GRHL2: variants seen among roughly 807,000 people sequenced by gnomAD.
GRHL2 encodes grainyhead like transcription factor 2.
A neutral mutation model predicts 83.8 loss-of-function variants in GRHL2; 21 were observed. The observed-to-expected ratio is 0.25, with a 90% CI of 0.18 to 0.36. The LOEUF is 0.36. Among genes scored for constraint, GRHL2 ranks in the 10% least tolerant of loss-of-function variants. The pLI is 1.00. For missense variants in GRHL2, 623 were observed against 781.8 expected (o/e 0.80, Z 2.42); for synonymous variants, 280 against 278.9 (o/e 1.00, Z -0.04).
chr8:101,555,568 G>A (rs1811473570), intron 3 of GRHL2, among the ~76,000 whole-genome samples: 1 of 152,104 alleles, frequency 6.6e-6, no homozygotes, highest in Non-Finnish European at 1.5e-5. Context: ...TAAATGGGTG[G>A]TCTGGGTTTT....
At chr8:101,653,811 A>G (rs1427118298) in intron 14 of GRHL2, among the ~76,000 whole-genome samples, 1 of 152,118 alleles carries the variant, frequency 6.6e-6, no homozygotes, top group Non-Finnish European at 1.5e-5. Flanking sequence ...CAGATTCTAT[A>G]GGGGTAGGCC....
intron 1 of GRHL2, among the ~76,000 whole-genome samples, chr8:101,517,638 A>T (rs1246366048): frequency 6.6e-6 from 1 of 152,248 alleles, no homozygotes; most frequent in East Asian, 1.9e-4. Context: ...CTTTCCTCAG[A>T]GACAATGTAG....
intron 1 of GRHL2, among the ~76,000 whole-genome samples, chr8:101,505,292 A>G (rs1468945600): frequency 6.6e-6 from 1 of 152,036 alleles, no homozygotes; most frequent in Admixed American, 6.6e-5. Flanking sequence ...TAAAAGTCTA[A>G]ATGGGCCGGG....
rs547550627 is a variant in GRHL2, at chr8:101,559,269, T to C, written c.678+457T>C. Among the ~76,000 whole-genome samples the C allele has an allele frequency of 1.5e-4, 22 of 146,012 alleles. No homozygotes were observed. The South Asian group carries it at 4.7e-3, about 31-fold the overall frequency. ...GCTCATGCCTGTAATCCCAGCACTT[T>C]GGGAGGCCGAAGTGCGTGGATCGAG... On this transcript the variant is annotated intron_variant, in intron 4 of 15. Coordinates refer to ENST00000646743, the MANE Select transcript of GRHL2 (RefSeq NM_024915.4).
At chr8:101,579,154 T>A (rs1369650936) in intron 7 of GRHL2, among the ~76,000 whole-genome samples, 1 of 152,218 alleles carries the variant, frequency 6.6e-6, no homozygotes, top group African/African-American at 2.4e-5. Flanking sequence ...ACCTGTTTAG[T>A]TAAATCTGCA....
intron 8 of GRHL2, among the ~76,000 whole-genome samples, chr8:101,601,942 G>C (rs1812523739): frequency 6.6e-6 from 1 of 152,116 alleles, no homozygotes; most frequent in Admixed American, 6.6e-5. Context: ...AGCCTTGCAT[G>C]CATTAGGTAT....
chr8:101,608,976 G>T (rs1423028741), intron 8 of GRHL2, among the ~76,000 whole-genome samples: 1 of 150,448 alleles, frequency 6.6e-6, no homozygotes, highest in East Asian at 1.9e-4. Context: ...CACAAGGAGA[G>T]AGGGCACTGT....
intron 13 of GRHL2, among the ~76,000 whole-genome samples, chr8:101,649,022 A>T (rs557478316): frequency 6.6e-6 from 1 of 152,332 alleles, no homozygotes; most frequent in East Asian, 1.9e-4. Flanking sequence ...CACTGCCACA[A>T]CCCCAACTCC....
At chr8:101,558,920 G>A in intron 4 of GRHL2, 108 bp downstream of exon 4, 1 of 1,208,878 alleles carries the variant, frequency 8.3e-7, no homozygotes, top group Non-Finnish European at 1.2e-6. Context: ...GCAAGTTTTA[G>A]CTTCAATTAG....
At chr8:101,653,931 G>T (rs1813730089) in intron 14 of GRHL2, among the ~76,000 whole-genome samples, 1 of 152,176 alleles carries the variant, frequency 6.6e-6, no homozygotes, top group Non-Finnish European at 1.5e-5. Flanking sequence ...GTCTGATTCT[G>T]CCCTAAGGTC....
rs139729894 is a variant in GRHL2 at position 101,574,318 on chromosome 8, C to G, written c.891+494C>G. ...GAGGCACGATCCCCACCAGGAGTCA[C>G]TTGGGGGAGTTTTCAGATTCATGAG... On this transcript the variant is annotated intron_variant, in intron 6 of 15. Transcript: ENST00000646743. 9.8e-4 allele frequency among the ~76,000 whole-genome samples: 149 copies of G among 152,262 alleles called. 1 individual carries two copies. The East Asian group carries it at 0.015, about 16-fold the overall frequency.
chr8:101,586,193 C>A (rs1300097176), intron 7 of GRHL2, among the ~76,000 whole-genome samples: 1 of 151,604 alleles, frequency 6.6e-6, no homozygotes, highest in Non-Finnish European at 1.5e-5. Context: ...CATTCTCCTG[C>A]CTCAGCCTCC....
At chr8:101,562,154 C>T (rs990173321) in intron 4 of GRHL2, 44 of 631,600 alleles carry the variant, frequency 7.0e-5, no homozygotes, top group Middle Eastern at 4.4e-4. Flanking sequence ...TATTTTTCTT[C>T]GATCTGTTCA....
At chr8:101,670,578 C>T (rs1458828598), downstream of GRHL2, among the ~76,000 whole-genome samples, 1 of 152,228 alleles carries the variant, frequency 6.6e-6, no homozygotes, top group Non-Finnish European at 1.5e-5. Flanking sequence ...GTTGTCATGA[C>T]TGTGTTCCAC....
chr8:101,568,906 T>C (rs1430962077), intron 4 of GRHL2, among the ~76,000 whole-genome samples: 1 of 152,196 alleles, frequency 6.6e-6, no homozygotes, highest in East Asian at 1.9e-4. Flanking sequence ...AAAAGAAGGA[T>C]CATAAATATG....
downstream of GRHL2, among the ~76,000 whole-genome samples, chr8:101,672,331 AG>A (rs1814224110): frequency 6.6e-6 from 1 of 151,714 alleles, no homozygotes; most frequent in Non-Finnish European, 1.5e-5. Context: ...ATGGATAACT[AG>A]AATAACCAAT....
intron 2 of GRHL2, among the ~76,000 whole-genome samples, chr8:101,545,183 G>A (rs1383757920): frequency 2.0e-5 from 3 of 152,104 alleles, no homozygotes; most frequent in African/African-American, 7.2e-5. Flanking sequence ...GTTAAGAAGT[G>A]CTAGAGAAAT....
At chr8:101,639,212 A>T (rs1286906330) in intron 12 of GRHL2, among the ~76,000 whole-genome samples, 1 of 152,142 alleles carries the variant, frequency 6.6e-6, no homozygotes. Context: ...ACCCTGTGTT[A>T]TTGTACAAAC....
chr8:101,494,054 G>A (rs1252725277), intron 1 of GRHL2, among the ~76,000 whole-genome samples: 3 of 152,200 alleles, frequency 2.0e-5, no homozygotes, highest in Non-Finnish European at 4.4e-5. Context: ...TTGGAAGTGC[G>A]CGGGGCCGCC....
Sources: gnomAD v4.1 joint callset for allele counts (sites outside exome capture counted in the v4.1 genomes callset) on GRCh38, gnomAD v4.1.1 for gene constraint, MANE v1.5 for transcripts, NCBI Gene and HGNC (gene_info 2026-07-23, HGNC 2026-07-21) for gene names.